SYCP2: variants seen among roughly 807,000 people sequenced by gnomAD.
SYCP2 encodes the protein synaptonemal complex lateral element protein.
In SYCP2, 55 loss-of-function variants were observed where a neutral mutation model predicts 211.3. The observed-to-expected ratio is 0.26, with a 90% CI of 0.21 to 0.33. The LOEUF is 0.33. Among genes scored for constraint, SYCP2 ranks in the 10% least tolerant of loss-of-function variants. SYCP2 has a pLI of 1.00. For synonymous variants in SYCP2, 570 were observed against 555.2 expected (o/e 1.03, Z -0.37); for missense variants, 1,731 against 1,752.0 (o/e 0.99, Z 0.21).
At chr20:59,888,382 T>TA (rs2059837488) in intron 24 of SYCP2, among the ~76,000 whole-genome samples, 2 of 152,190 alleles carry the variant, frequency 1.3e-5, no homozygotes, top group Middle Eastern at 3.4e-3. Flanking sequence ...CATAACAGGC[T>TA]AATTTAAAAT....
chr20:59,864,213 G>C lies in SYCP2; in HGVS notation c.*98C>G. Reference sequence around the variant, plus strand: ...TCCTATAAAGGGTACACTTGCTTCGGTGACATGTATATTTTTCTCTTTGTA... The same window carrying C: ...TCCTATAAAGGGTACACTTGCTTCGCTGACATGTATATTTTTCTCTTTGTA... On this transcript the variant is annotated 3_prime_UTR_variant, in exon 45 of 45. Transcript: ENST00000357552. The C allele has an allele frequency of 1.2e-6, 1 of 842,576 alleles. No homozygotes were observed. The highest frequency in any genetic ancestry group is 2.0e-5 in the South Asian group (1 of 50,704). The allele number at this position is 842,576 out of a possible 1,614,324, so 52.2% of individuals were successfully genotyped here. A position where few individuals can be genotyped will look rare whatever the true frequency, so the allele number is the denominator to read the frequency against.
At chr20:59,913,439 G>C (rs1179971193) in intron 12 of SYCP2, among the ~76,000 whole-genome samples, 3 of 152,010 alleles carry the variant, frequency 2.0e-5, no homozygotes. Context: ...TGAGGTGCTA[G>C]GCATTGCAAA....
chr20:59,912,871 C>G (rs1367236544), intron 12 of SYCP2, among the ~76,000 whole-genome samples: 1 of 152,194 alleles, frequency 6.6e-6, no homozygotes, highest in East Asian at 1.9e-4. Flanking sequence ...TTGCATCTTC[C>G]TCATTCTTTC....
At position 59,880,903 on chromosome 20, in the gene SYCP2, TTTAACA is replaced by T. The variant is rs375464359; in HGVS notation, c.2772+57_2772+62del. The T allele has an allele frequency of 1.5e-4, 115 of 784,084 alleles. No homozygotes were observed. In the East Asian group the frequency reaches 3.3e-3, roughly 22 times the overall value. 48.6% of individuals were successfully genotyped at this position (784,084 alleles called of 1,614,324 possible). On this transcript the variant is annotated intron_variant, in intron 30 of 44. Coordinates refer to ENST00000357552, the MANE Select transcript of SYCP2 (RefSeq NM_014258.4). ...TTTTGTTTTCTTGTTTTTGATAATCTTTAACATTAAAAATTAAGAGAAATACTACTT... is the reference window on the plus strand; with the variant it reads ...TTTTGTTTTCTTGTTTTTGATAATCTTTAAAAATTAAGAGAAATACTACTT...
intron 24 of SYCP2, among the ~76,000 whole-genome samples, 170 bp from the exon 25 acceptor site, chr20:59,887,004 TA>T (rs1435579541): frequency 6.8e-6 from 1 of 146,060 alleles, no homozygotes; most frequent in East Asian, 1.9e-4. Flanking sequence ...TAAAATAAGA[TA>T]ATTTTTTTTA....
At position 59,868,278 on chromosome 20, in the gene SYCP2, T is replaced by A. The variant is rs1291792981; in HGVS notation, c.3988+135A>T. 4 of 860,618 alleles carry A rather than the reference T, an allele frequency of 4.6e-6. No homozygotes were observed. In the East Asian group the frequency reaches 1.0e-4, roughly 21 times the overall value. 53.3% of individuals were successfully genotyped at this position (860,618 alleles called of 1,614,324 possible). A position where few individuals can be genotyped will look rare whatever the true frequency, so the allele number is the denominator to read the frequency against. ...ACAATTATTCATATAAATGTGAACT[T>A]TGCAATAAAGCATCATCCATCTTGG... On this transcript the variant is annotated intron_variant, in intron 38 of 44. Transcript: ENST00000357552.
rs866414990 is a variant in SYCP2, at chr20:59,879,842, T to A, written c.2941+461A>T. 1.2e-4 allele frequency among the ~76,000 whole-genome samples: 15 copies of A among 125,942 alleles called. 1 individual carries two copies. Among genetic ancestry groups the A allele is most frequent in the African/African-American group, 5.2e-4 (14 of 27,158 alleles). The allele number at this position is 125,942 out of a possible 152,430, so 82.6% of individuals were successfully genotyped here. ...AAATAAATATATATATATATATATA[T>A]ATATATATATATATATATATACACA... On this transcript the variant is annotated intron_variant, in intron 31 of 44. Transcript: ENST00000357552.
At chr20:59,901,193 TATTTTATCTAA>T (rs2060109438) in intron 16 of SYCP2, among the ~76,000 whole-genome samples, 1 of 152,082 alleles carries the variant, frequency 6.6e-6, no homozygotes, top group Non-Finnish European at 1.5e-5. Flanking sequence ...GCCTGGAAAG[TATTTTATCTAA>T]ATGCTTTCCT....
Position 59,881,469 on chromosome 20 carries a change from A to G in SYCP2, c.2682T>C (p.Ala894=), listed in dbSNP as rs544628609. The change falls in exon 29 of 45, where the codon GCT becomes GCC. Residue 894 remains alanine (A), a synonymous_variant. Coordinates refer to ENST00000357552, the MANE Select transcript of SYCP2 (RefSeq NM_014258.4). ...TTGACCTATCCGCACAAGCTTCTTT[A>G]GCTGTAGCTTGAAACTCTTGGATCT... ...KLGIQEFQAT[A]KEACADRSIR... 7.1e-6 allele frequency: 11 copies of G among 1,541,330 alleles called. No homozygotes were observed. In the African/African-American group the frequency reaches 1.3e-4, roughly 18 times the overall value.
chr20:59,909,503 A>T (rs756665223), intron 14 of SYCP2, among the ~76,000 whole-genome samples: 1 of 152,138 alleles, frequency 6.6e-6, no homozygotes, highest in Non-Finnish European at 1.5e-5. Context: ...CATTCTCCCC[A>T]GTCTATTTTT....
intron 31 of SYCP2, among the ~76,000 whole-genome samples, chr20:59,879,006 G>A (rs11086683): frequency 0.019 from 2,954 of 152,110 alleles, 42 homozygotes; most frequent in Middle Eastern, 0.041. Flanking sequence ...TTTCAATTTC[G>A]TAAGTTAAAT....
chr20:59,899,797 CT>C (rs962437411), intron 18 of SYCP2, among the ~76,000 whole-genome samples: 40 of 150,944 alleles, frequency 2.6e-4, no homozygotes, highest in African/African-American at 9.5e-4. Context: ...TTTTTTTTTC[CT>C]CATGCAAATA....
At chr20:59,881,625 T>C (rs1331138377) in intron 28 of SYCP2, 133 bp from the exon 29 acceptor site, 2 of 520,614 alleles carry the variant, frequency 3.8e-6, no homozygotes, top group Non-Finnish European at 6.7e-6. Flanking sequence ...ACTACAATAT[T>C]TGTATTTGAA....
rs546401416 is a variant in SYCP2, at chr20:59,895,239, A to G, written c.1665+198T>C. Among the ~76,000 whole-genome samples, 4 of 152,110 alleles carry G rather than the reference A, an allele frequency of 2.6e-5. 1 individual carries two copies. Among genetic ancestry groups the G allele is most frequent in the African/African-American group, 9.7e-5 (4 of 41,430 alleles). ...ATCAAGTTATAGTGAATTAATATTC[A>G]TAACTTTTATTGTAAGCACAGTAAA... On this transcript the variant is annotated intron_variant, in intron 20 of 44. Coordinates refer to ENST00000357552, the MANE Select transcript of SYCP2 (RefSeq NM_014258.4).
chr20:59,885,735 T>C (rs2059775031), intron 26 of SYCP2, among the ~76,000 whole-genome samples, 193 bp downstream of exon 26: 1 of 152,172 alleles, frequency 6.6e-6, no homozygotes, highest in African/African-American at 2.4e-5. Context: ...AAAGAAGCTT[T>C]TTATTTGAAA....
rs1208944561 is a variant in SYCP2 at position 59,896,430 on chromosome 20, T to G, written c.1503A>C (p.Thr501=). ...TMRSPVLFSN[T]SIPPRRRRIK... The stretch of plus-strand genomic sequence containing the variant: ...ATCTTTTAAAACTATAAAACTTACA[T>G]GTGTTGCTGAAAAGCACTGGACTTC... The change falls in exon 19 of 45, where the codon ACA becomes ACC. Residue 501 remains threonine (T), a splice_region_variant and synonymous_variant. Transcript: ENST00000357552. 2 of 1,522,332 alleles carry G rather than the reference T, an allele frequency of 1.3e-6. No homozygotes were observed. The highest frequency in any genetic ancestry group is 1.4e-5 in the African/African-American group (1 of 72,814). The allele number at this position is 1,522,332 out of a possible 1,614,324, so 94.3% of individuals were successfully genotyped here.
In SYCP2 at chr20:59,886,816, T is replaced by C. The variant is rs1350339554; in HGVS notation, c.2383A>G (p.Lys795Glu). 1.9e-6 allele frequency: 3 copies of C among 1,583,180 alleles called. No individual in the cohort carries two copies. The highest frequency in any genetic ancestry group is 2.6e-6 in the Non-Finnish European group (3 of 1,170,738). The change falls in exon 25 of 45, where the codon AAA (lysine) becomes GAA (glutamate). Residue 795 changes from lysine to glutamate, a missense_variant. Transcript: ENST00000357552. ...QKKMREKSKG[K>E]EFTNVAESLI... Reference sequence around the variant, plus strand: ...GATTCTGCTACATTGGTAAATTCTTTCCCTTTTGACTTTTCTCTCTGAAAA... The same window carrying C: ...GATTCTGCTACATTGGTAAATTCTTCCCCTTTTGACTTTTCTCTCTGAAAA...
intron 16 of SYCP2, among the ~76,000 whole-genome samples, chr20:59,901,441 T>C (rs1451281035): frequency 6.6e-6 from 1 of 152,086 alleles, no homozygotes; most frequent in Admixed American, 6.6e-5. Flanking sequence ...TCATTAAATG[T>C]TTTGAGCAGC....
chr20:59,908,683 G>C (rs140604557), intron 14 of SYCP2, among the ~76,000 whole-genome samples: 6 of 152,016 alleles, frequency 3.9e-5, no homozygotes, highest in African/African-American at 1.5e-4. Context: ...AGAAATCATA[G>C]TATTATAAAC....
Sources: gnomAD v4.1 joint callset for allele counts (sites outside exome capture counted in the v4.1 genomes callset) on GRCh38, gnomAD v4.1.1 for gene constraint, MANE v1.5 for transcripts, NCBI Gene and HGNC (gene_info 2026-07-23, HGNC 2026-07-21) for gene names.